HCN1: variants seen among roughly 807,000 people sequenced by gnomAD.
The protein encoded by HCN1 is hyperpolarization activated cyclic nucleotide gated potassium channel 1, also known as potassium/sodium hyperpolarization-activated cyclic nucleotide-gated channel 1.
HCN1 carries 13 observed loss-of-function variants against 78.9 expected under a neutral mutation model. The observed-to-expected ratio is 0.16, with a 90% CI of 0.11 to 0.26. The LOEUF (loss-of-function observed/expected upper bound fraction) is 0.26, where lower values mean the gene tolerates loss of function less well. HCN1 is among the 10% of genes least tolerant of loss of function. The pLI is 1.00. For missense variants in HCN1, 810 were observed against 1,154.3 expected, an observed-to-expected ratio of 0.70 and a Z score of 4.32; for synonymous variants, 552 against 455.5, an observed-to-expected ratio of 1.21 and a Z score of -2.70.
rs138705505 is a variant in HCN1 at position 45,655,651 on chromosome 5, G to A, written c.426-10043C>T. Among the ~76,000 whole-genome samples, 7 of 152,168 alleles carry A rather than the reference G, an allele frequency of 4.6e-5. No homozygotes were observed. In the East Asian group the frequency reaches 1.2e-3, roughly 25 times the overall value. On this transcript the variant is annotated intron_variant, in intron 1 of 7. Coordinates refer to ENST00000303230, the MANE Select transcript of HCN1 (RefSeq NM_021072.4). Reference sequence around the variant, plus strand: ...TGCTATAGGTATAGCTCAATGTCTGGCCTTTGGTCTCTATGTCTTTTGATA... The same window carrying A: ...TGCTATAGGTATAGCTCAATGTCTGACCTTTGGTCTCTATGTCTTTTGATA...
chr5:45,262,124 C>T lies in HCN1; in HGVS notation c.2470G>A (p.Gly824Arg). ...CTGCCCCCTGCCTGAAGGCCCGTTCCGGGGACCGCCGTCACGGGTTGAGGG... is the reference window on the plus strand; with the variant it reads ...CTGCCCCCTGCCTGAAGGCCCGTTCTGGGGACCGCCGTCACGGGTTGAGGG... ...SIPQPVTAVP[G>R]TGLQAGGRST... Residue 824 changes from glycine (G) to arginine (R), a missense_variant, in exon 8 of 8, where the codon GGA (glycine) becomes AGA (arginine). Gly to Arg is a moderately radical substitution (Grantham distance 125, BLOSUM62 -2). Transcript: ENST00000303230. 5 of 1,612,920 alleles carry T rather than the reference C, an allele frequency of 3.1e-6. No individual in the cohort carries two copies. The highest frequency in any genetic ancestry group is 4.2e-6 in the Non-Finnish European group (5 of 1,179,328).
intron 2 of HCN1, among the ~76,000 whole-genome samples, chr5:45,498,370 C>G (rs1012199443): frequency 1.3e-5 from 2 of 152,176 alleles, no homozygotes; most frequent in African/African-American, 2.4e-5. Context: ...TCTTCCAGTT[C>G]ATCGCATTGG....
intron 1 of HCN1, among the ~76,000 whole-genome samples, chr5:45,689,160 A>C (rs1211879192): frequency 6.6e-6 from 1 of 152,048 alleles, no homozygotes; most frequent in East Asian, 1.9e-4. Context: ...GTCTCAAAAA[A>C]GCTGTTAAAA....
chr5:45,350,558 T>C (rs1240594610), intron 5 of HCN1, among the ~76,000 whole-genome samples: 1 of 151,476 alleles, frequency 6.6e-6, no homozygotes, highest in Non-Finnish European at 1.5e-5. Context: ...TAAAGGGTAT[T>C]CAATTAGGAA....
intron 2 of HCN1, among the ~76,000 whole-genome samples, chr5:45,521,157 T>C (rs1742605051): frequency 6.6e-6 from 1 of 151,678 alleles, no homozygotes; most frequent in Admixed American, 6.6e-5. Context: ...AAGATAAATA[T>C]ATAGAGAGAG....
At position 45,262,367 on chromosome 5, in the gene HCN1, G is replaced by C. The variant is rs560701504; in HGVS notation, c.2227C>G (p.Pro743Ala). 72 of 1,612,168 alleles carry C rather than the reference G, an allele frequency of 4.5e-5. No homozygotes were observed. In the African/African-American group the frequency reaches 8.4e-4, roughly 19 times the overall value. The change falls in exon 8 of 8, where the codon CCG becomes GCG. Residue 743 changes from proline (P) to alanine (A), a missense_variant. Coordinates refer to ENST00000303230, the MANE Select transcript of HCN1 (RefSeq NM_021072.4). Reference protein sequence around the residue: ...QPQQQVQQSQPPQTQPQQPSP... With the variant: ...QPQQQVQQSQAPQTQPQQPSP... ...GGCTGCTGTGGCTGAGTCTGCGGCGGCTGGGACTGCTGTACCTGCTGCTGC... is the reference window on the plus strand; with the variant it reads ...GGCTGCTGTGGCTGAGTCTGCGGCGCCTGGGACTGCTGTACCTGCTGCTGC...
At chr5:45,578,026 G>C (rs1259382616) in intron 2 of HCN1, among the ~76,000 whole-genome samples, 2 of 152,000 alleles carry the variant, frequency 1.3e-5, no homozygotes, top group Non-Finnish European at 1.5e-5. Context: ...TACAAACCTA[G>C]CTTACTATGA....
intron 2 of HCN1, among the ~76,000 whole-genome samples, chr5:45,463,019 A>G (rs1008470303): frequency 6.6e-6 from 1 of 152,056 alleles, no homozygotes; most frequent in East Asian, 1.9e-4. Flanking sequence ...AATAAATACA[A>G]TTAAATTTGA....
chr5:45,301,881 T>C (rs1745630397), intron 6 of HCN1, among the ~76,000 whole-genome samples: 1 of 151,850 alleles, frequency 6.6e-6, no homozygotes, highest in Non-Finnish European at 1.5e-5. Context: ...GTAAATGCAA[T>C]TAAGAAACAA....
intron 5 of HCN1, among the ~76,000 whole-genome samples, chr5:45,322,175 A>T (rs1746138942): frequency 6.6e-6 from 1 of 151,900 alleles, no homozygotes; most frequent in African/African-American, 2.4e-5. Flanking sequence ...ACAACAATTA[A>T]TTTAAAAAAT....
At chr5:45,544,337 G>C (rs1579959609) in intron 2 of HCN1, among the ~76,000 whole-genome samples, 2 of 151,930 alleles carry the variant, frequency 1.3e-5, no homozygotes, top group African/African-American at 4.8e-5. Flanking sequence ...AAATCAATAG[G>C]TTAGTTTTCT....
At chr5:45,275,195 G>A (rs1745030841) in intron 6 of HCN1, among the ~76,000 whole-genome samples, 1 of 151,242 alleles carries the variant, frequency 6.6e-6, no homozygotes, top group South Asian at 2.1e-4. Context: ...GCAGTGAGCT[G>A]AGATCGTGCC....
At chr5:45,479,193 C>T (rs1341382165) in intron 2 of HCN1, among the ~76,000 whole-genome samples, 4 of 151,318 alleles carry the variant, frequency 2.6e-5, no homozygotes, top group Non-Finnish European at 5.9e-5. Context: ...AGTGAGATGT[C>T]CTGGTGTGTG....
intron 3 of HCN1, among the ~76,000 whole-genome samples, chr5:45,455,155 G>T (rs888266805): frequency 6.6e-6 from 1 of 151,986 alleles, no homozygotes; most frequent in Admixed American, 6.6e-5. Flanking sequence ...TACTCCCTGG[G>T]TATCTAAATT....
intron 2 of HCN1, among the ~76,000 whole-genome samples, chr5:45,492,296 A>ACGTGTGTGTGTGTG (rs1554028343): frequency 7.1e-6 from 1 of 140,906 alleles, no homozygotes; most frequent in Admixed American, 7.2e-5. Flanking sequence ...AACTCTGTGT[A>ACGTGTGTGTGTGTG]TGTGTGTGTG....
At chr5:45,279,437 G>T (rs1404953401) in intron 6 of HCN1, among the ~76,000 whole-genome samples, 1 of 152,058 alleles carries the variant, frequency 6.6e-6, no homozygotes, top group Non-Finnish European at 1.5e-5. Context: ...TTCCATATTT[G>T]AGAAGGATAA....
At chr5:45,373,154 A>T (rs1747463868) in intron 4 of HCN1, among the ~76,000 whole-genome samples, 1 of 123,638 alleles carries the variant, frequency 8.1e-6, no homozygotes, top group Non-Finnish European at 1.6e-5. Flanking sequence ...AATATATATA[A>T]AAATATATGT....
rs754230636 is a variant in HCN1, at chr5:45,396,627, G to C, written c.1095C>G (p.Ala365=). The C allele has an allele frequency of 6.2e-7, 1 of 1,613,674 alleles. No homozygotes were observed. The highest frequency in any genetic ancestry group is 1.3e-5 in the African/African-American group (1 of 74,890). ...HMLCIGYGAQ[A]PVSMSDLWIT... Reference sequence around the variant, plus strand: ...TCCAGAGGTCAGACATGCTGACTGGGGCTTGGGCTCCATACCCAATGCACA... The same window carrying C: ...TCCAGAGGTCAGACATGCTGACTGGCGCTTGGGCTCCATACCCAATGCACA... The change falls in exon 4 of 8, where the codon GCC becomes GCG. Residue 365 remains alanine (A), a synonymous_variant. Coordinates refer to ENST00000303230, the MANE Select transcript of HCN1 (RefSeq NM_021072.4).
intron 2 of HCN1, among the ~76,000 whole-genome samples, chr5:45,467,597 T>C (rs1052398781): frequency 1.3e-5 from 2 of 151,932 alleles, no homozygotes; most frequent in Middle Eastern, 3.2e-3. Flanking sequence ...ACTACTTAAT[T>C]TTTTTTAAAG....
Sources: gnomAD v4.1 joint callset for allele counts (sites outside exome capture counted in the v4.1 genomes callset) on GRCh38, gnomAD v4.1.1 for gene constraint, MANE v1.5 for transcripts, NCBI Gene and HGNC (gene_info 2026-07-23, HGNC 2026-07-21) for gene names.